Variants in UMODL1 observed in about 807,000 individuals in gnomAD.
UMODL1 encodes the protein uromodulin-like 1.
Under a neutral mutation model 136.3 loss-of-function variants are expected in UMODL1, and 128 were observed. The ratio of observed to expected loss-of-function variants is 0.94; its 90% CI spans 0.81 to 1.09. The LOEUF (loss-of-function observed/expected upper bound fraction) is 1.09. UMODL1 is among the 50% of genes least tolerant of loss of function. The pLI is 0.00. For synonymous variants in UMODL1, 721 were observed against 720.0 expected, an observed-to-expected ratio of 1.00 and a Z score of -0.02; for missense variants, 1,766 against 1,725.6, an observed-to-expected ratio of 1.02 and a Z score of -0.41.
chr21:42,138,033 G>T (rs970037214), intron 22 of UMODL1, among the ~76,000 whole-genome samples: 1 of 152,052 alleles, frequency 6.6e-6, no homozygotes, highest in Non-Finnish European at 1.5e-5. Context: ...CACTGGACTG[G>T]CTCCACGATA....
At chr21:42,098,453 T>A (rs888436010) in intron 6 of UMODL1, among the ~76,000 whole-genome samples, 1 of 146,472 alleles carries the variant, frequency 6.8e-6, no homozygotes, top group Admixed American at 7.0e-5. Context: ...AATGAATGGG[T>A]TGCATTTATT....
At chr21:42,082,172 C>A (rs1312098069) in intron 2 of UMODL1, among the ~76,000 whole-genome samples, 2 of 152,214 alleles carry the variant, frequency 1.3e-5, no homozygotes, top group African/African-American at 4.8e-5. Flanking sequence ...GTGACTCTGG[C>A]TGCCCCTGCT....
Position 42,127,667 on chromosome 21 carries a change from C to G in UMODL1, c.3531-5C>G. The G allele has an allele frequency of 6.2e-7, 1 of 1,611,414 alleles. No individual in the cohort carries two copies. Among genetic ancestry groups the G allele is most frequent in the Non-Finnish European group, 8.5e-7 (1 of 1,179,116 alleles). On this transcript the variant is annotated splice_region_variant and splice_polypyrimidine_tract_variant and intron_variant, in intron 19 of 22. Transcript: ENST00000408910. ...AGCAAGGAGTCCCATTTCCTCTCTT[C>G]TCAGCTGCCCTGTGCCCAACACATA...
At chr21:42,113,495 T>C in intron 12 of UMODL1, 78 bp from the exon 13 acceptor site, 1 of 1,526,640 alleles carries the variant, frequency 6.6e-7, no homozygotes, top group Non-Finnish European at 8.8e-7. Context: ...ATGAATTTGA[T>C]TTTTGGCATT....
At chr21:42,120,036 G>A (rs1260791787) in intron 15 of UMODL1, among the ~76,000 whole-genome samples, 2 of 151,424 alleles carry the variant, frequency 1.3e-5, no homozygotes. Flanking sequence ...GAACCTGATG[G>A]ATAAATGCAC....
At position 42,122,127 on chromosome 21, in the gene UMODL1, C is replaced by G. The variant is rs1034196472; in HGVS notation, c.2828-704C>G. 5.3e-5 allele frequency among the ~76,000 whole-genome samples: 8 copies of G among 152,004 alleles called. No homozygotes were observed. Among genetic ancestry groups the G allele is most frequent in the Non-Finnish European group, 1.2e-4 (8 of 67,990 alleles). On this transcript the variant is annotated intron_variant, in intron 16 of 22. Transcript: ENST00000408910. This position sits in a 1 kb window ranked among gnomAD's most constrained non-coding sequence, Gnocchi z 4.3. ...GCAGGGTGCTGGGGCTGGGCAAGCC[C>G]CACTCTGAGATAAAAGAAGGCACAA...
At chr21:42,063,172 T>A (rs1237010640) in exon 1 of UMODL1, 1 of 152,286 alleles carries the variant, frequency 6.6e-6, no homozygotes, top group Non-Finnish European at 1.5e-5. Flanking sequence ...AAATCCAGGA[T>A]GATCTCATCT....
At position 42,127,679 on chromosome 21, in the gene UMODL1, G is replaced by C. The variant is rs765010548; in HGVS notation, c.3538G>C (p.Val1180Leu). 1.2e-6 allele frequency: 2 copies of C among 1,613,516 alleles called. No individual in the cohort carries two copies. The highest frequency in any genetic ancestry group is 4.5e-5 in the East Asian group (2 of 44,880). ...CATTTCCTCTCTTCTCAGCTGCCCTGTGCCCAACACATACACCAACGTGAT... is the reference window on the plus strand; with the variant it reads ...CATTTCCTCTCTTCTCAGCTGCCCTCTGCCCAACACATACACCAACGTGAT... Reference protein sequence around the residue: ...TFSFINNSCPVPNTYTNVIEN... With the variant: ...TFSFINNSCPLPNTYTNVIEN... Residue 1180 changes from valine (V) to leucine (L), a missense_variant, in exon 20 of 23, where the codon GTG becomes CTG. Physicochemically the swap from Val to Leu is conservative, Grantham distance 32 (BLOSUM62 1). Transcript: ENST00000408910.
chr21:42,099,237 G>T lies in UMODL1; in HGVS notation c.1186+57G>T. ...TTGCGAGCTTGTCTTTCTATCCCAGGTCTGTGGCCCTAGCATGTCGCGTTC... is the reference window on the plus strand; with the variant it reads ...TTGCGAGCTTGTCTTTCTATCCCAGTTCTGTGGCCCTAGCATGTCGCGTTC... On this transcript the variant is annotated intron_variant, in intron 7 of 22. Coordinates refer to ENST00000408910, the MANE Select transcript of UMODL1 (RefSeq NM_001004416.3). This position sits in a 1 kb window ranked among gnomAD's most constrained non-coding sequence, Gnocchi z 4.1. 6.3e-7 allele frequency: 1 copy of T among 1,587,084 alleles called. No homozygotes were observed. The highest frequency in any genetic ancestry group is 1.3e-5 in the African/African-American group (1 of 74,312).
chr21:42,116,615 G>A (rs956669374), intron 14 of UMODL1, among the ~76,000 whole-genome samples: 2 of 149,388 alleles, frequency 1.3e-5, no homozygotes, highest in Admixed American at 6.6e-5. Context: ...GTCCCTCCAC[G>A]GTTTTTTTTT....
intron 13 of UMODL1, among the ~76,000 whole-genome samples, chr21:42,115,421 C>T (rs901766923): frequency 9.2e-5 from 14 of 152,232 alleles, no homozygotes; most frequent in Non-Finnish European, 1.3e-4. Context: ...CACCCTGTGG[C>T]CACGTGGACT....
chr21:42,139,582 C>G (rs1005193889), intron 22 of UMODL1, among the ~76,000 whole-genome samples: 1 of 152,152 alleles, frequency 6.6e-6, no homozygotes, highest in Non-Finnish European at 1.5e-5. Context: ...AACAGGAGAA[C>G]AAGGAAAGAC....
At chr21:42,108,126 T>C (rs1299251290) in intron 9 of UMODL1, among the ~76,000 whole-genome samples, 1 of 152,164 alleles carries the variant, frequency 6.6e-6, no homozygotes, top group Non-Finnish European at 1.5e-5. Context: ...GGGAGCTGTC[T>C]GGGGGGACGG....
At chr21:42,120,097 A>G (rs968374362) in intron 15 of UMODL1, among the ~76,000 whole-genome samples, 4 of 152,264 alleles carry the variant, frequency 2.6e-5, no homozygotes, top group African/African-American at 9.6e-5. Context: ...ATGACTAACA[A>G]AGATGTGGTA....
chr21:42,105,330 G>A (rs2066699673), intron 9 of UMODL1, among the ~76,000 whole-genome samples: 1 of 152,138 alleles, frequency 6.6e-6, no homozygotes, highest in Non-Finnish European at 1.5e-5. Context: ...CAGCCTTCAG[G>A]TGGATGCCAC....
At chr21:42,076,281 A>C in intron 2 of UMODL1, 34 bp downstream of exon 2, 1 of 1,608,888 alleles carries the variant, frequency 6.2e-7, no homozygotes, top group East Asian at 2.2e-5. Context: ...GGGCGGGGCC[A>C]CCCTTGCCGT....
chr21:42,126,702 G>T (rs1322055786), intron 18 of UMODL1, among the ~76,000 whole-genome samples: 1 of 152,278 alleles, frequency 6.6e-6, no homozygotes, highest in Non-Finnish European at 1.5e-5. Flanking sequence ...AATCCCATGG[G>T]ATGGCCCCAC....
intron 4 of UMODL1, 82 bp from the exon 5 acceptor site, chr21:42,088,212 T>A: frequency 1.4e-6 from 2 of 1,478,914 alleles, no homozygotes; most frequent in Non-Finnish European, 1.8e-6. Context: ...GACAGTTCAT[T>A]TCAGCTCTGC....
rs148848556 is a variant in UMODL1 at position 42,102,083 on chromosome 21, A to G, written c.1187-83A>G. On this transcript the variant is annotated intron_variant, in intron 7 of 22. Transcript: ENST00000408910. ...ATCTATTAAAAAAAATTATCCCGCC[A>G]AAGAGTAGGCTTCATGGAAAACATT... The G allele has an allele frequency of 2.1e-3, 2,238 of 1,063,054 alleles. 29 individuals carry two copies. In the African/African-American group the frequency reaches 0.027, roughly 13 times the overall value. 65.9% of individuals were successfully genotyped at this position (1,063,054 alleles called of 1,614,324 possible). A position where few individuals can be genotyped will look rare whatever the true frequency, so the allele number is the denominator to read the frequency against.
Sources: allele counts gnomAD v4.1 joint callset (sites outside exome capture counted in the v4.1 genomes callset), GRCh38; gene constraint gnomAD v4.1.1; non-coding constraint Gnocchi (gnomAD v3.1); transcripts MANE v1.5; gene names NCBI Gene and HGNC (gene_info 2026-07-23, HGNC 2026-07-21).